Variants in PPIP5K2 observed in about 807,000 individuals in gnomAD.
PPIP5K2 encodes diphosphoinositol pentakisphosphate kinase 2, also known as inositol hexakisphosphate and diphosphoinositol-pentakisphosphate kinase 2.
PPIP5K2 carries 105 observed loss-of-function variants against 154.6 expected under a neutral mutation model. The observed-to-expected ratio is 0.68, with a 90% CI of 0.58 to 0.80. The LOEUF is 0.80. Among genes scored for constraint, PPIP5K2 ranks in the 30% least tolerant of loss-of-function variants. The pLI is 0.00. For missense variants in PPIP5K2, 992 were observed against 1,504.6 expected, an observed-to-expected ratio of 0.66 and a Z score of 5.64; for synonymous variants, 480 against 490.3, an observed-to-expected ratio of 0.98 and a Z score of 0.28.
chr5:103,129,726 G>C, intron 2 of PPIP5K2, 23 bp downstream of exon 2: 1 of 1,583,458 alleles, frequency 6.3e-7, no homozygotes, highest in Non-Finnish European at 8.6e-7. Context: ...TTTTTCCTTT[G>C]GCGAGAGAAG....
rs1554232019 is a variant in PPIP5K2, at chr5:103,205,278, A to T, written c.*3644A>T. 6.6e-6 allele frequency: 1 copy of T among 152,112 alleles called. No homozygotes were observed. Among genetic ancestry groups the T allele is most frequent in the Admixed American group, 6.5e-5 (1 of 15,274 alleles). 9.4% of individuals were successfully genotyped at this position (152,112 alleles called of 1,614,324 possible). On this transcript the variant is annotated 3_prime_UTR_variant, in exon 31 of 31. Transcript: ENST00000358359. The stretch of plus-strand genomic sequence containing the variant: ...TCTGGGTTGGTCCCAAGTCTTTGCT[A>T]TTGTGAATAGTGCCACAATAAACAT...
At chr5:103,147,622 C>T (rs1167740002) in intron 6 of PPIP5K2, among the ~76,000 whole-genome samples, 1 of 151,820 alleles carries the variant, frequency 6.6e-6, no homozygotes, top group African/African-American at 2.4e-5. Context: ...TGTATTTACA[C>T]AATGGAAAAT....
intron 10 of PPIP5K2, 140 bp from the exon 11 acceptor site, chr5:103,153,708 T>C (rs1794981268): frequency 1.9e-6 from 1 of 514,748 alleles, no homozygotes; most frequent in East Asian, 3.8e-5. Flanking sequence ...TAGATTGTTA[T>C]AAGTATTATT....
At position 103,152,887 on chromosome 5, in the gene PPIP5K2, G is replaced by A. The variant is rs553745382; in HGVS notation, c.1130+138G>A. 6.6e-4 allele frequency: 369 copies of A among 562,910 alleles called. 5 individuals are homozygous for A. In the South Asian group the frequency reaches 9.0e-3, roughly 14 times the overall value. 34.9% of individuals were successfully genotyped at this position (562,910 alleles called of 1,614,324 possible). The stretch of plus-strand genomic sequence containing the variant: ...TATGATTCAGCTTGAAGATAGAGGA[G>A]TAGATTATACGTATTTATAAGGGTC... On this transcript the variant is annotated intron_variant, in intron 10 of 30. Transcript: ENST00000358359.
intron 5 of PPIP5K2, among the ~76,000 whole-genome samples, chr5:103,139,368 T>C (rs1554205596): frequency 6.6e-6 from 1 of 152,154 alleles, no homozygotes; most frequent in Non-Finnish European, 1.5e-5. Flanking sequence ...AAACTAGCCA[T>C]GCAAGAATGC....
At chr5:103,156,154 A>G (rs1554213308) in intron 14 of PPIP5K2, among the ~76,000 whole-genome samples, 160 bp downstream of exon 14, 1 of 152,206 alleles carries the variant, frequency 6.6e-6, no homozygotes, top group Non-Finnish European at 1.5e-5. Flanking sequence ...TTCTTTAAAT[A>G]AAGGATACAA....
intron 21 of PPIP5K2, chr5:103,176,834 A>G (rs1004942171): frequency 2.4e-6 from 3 of 1,266,572 alleles, no homozygotes; most frequent in African/African-American, 1.5e-5. Context: ...GATCCTTTTC[A>G]GTTCTGATGC....
intron 26 of PPIP5K2, among the ~76,000 whole-genome samples, chr5:103,185,930 GT>G (rs557317432): frequency 0.022 from 3,143 of 140,680 alleles, 87 homozygotes; most frequent in African/African-American, 0.071. Flanking sequence ...TAGAAGGAGT[GT>G]TTTTTTTTTT....
intron 21 of PPIP5K2, chr5:103,176,999 A>G (rs1225799916): frequency 2.4e-5 from 22 of 922,342 alleles, no homozygotes; most frequent in Non-Finnish European, 3.5e-5. Flanking sequence ...ATAGGCCTAT[A>G]TTGCATACAT....
intron 27 of PPIP5K2, 39 bp from the exon 28 acceptor site, chr5:103,187,275 C>T: frequency 6.8e-7 from 1 of 1,461,896 alleles, no homozygotes; most frequent in Non-Finnish European, 9.2e-7. Flanking sequence ...CTTTTTGTAG[C>T]TGTTACGAAT....
chr5:103,146,780 C>A, intron 6 of PPIP5K2, 99 bp downstream of exon 6: 1 of 1,011,726 alleles, frequency 9.9e-7, no homozygotes. Context: ...ATATTGAACT[C>A]TTGAAAATGT....
chr5:103,132,159 T>C (rs1434472565), intron 2 of PPIP5K2, among the ~76,000 whole-genome samples: 1 of 152,196 alleles, frequency 6.6e-6, no homozygotes, highest in Non-Finnish European at 1.5e-5. Flanking sequence ...ATAATCTATT[T>C]GATTTACCAA....
chr5:103,138,953 A>T (rs569730284), intron 5 of PPIP5K2, among the ~76,000 whole-genome samples: 1 of 152,382 alleles, frequency 6.6e-6, no homozygotes, highest in Admixed American at 6.5e-5. Context: ...TGGGTCCCAC[A>T]TATACTGATA....
intron 30 of PPIP5K2, among the ~76,000 whole-genome samples, chr5:103,198,364 A>C (rs1338149399): frequency 6.6e-6 from 1 of 151,980 alleles, no homozygotes; most frequent in African/African-American, 2.4e-5. Flanking sequence ...CATTGATCCT[A>C]ATGGACACTA....
chr5:103,191,151 A>T, intron 29 of PPIP5K2, 169 bp downstream of exon 29: 1 of 491,712 alleles, frequency 2.0e-6, no homozygotes, highest in South Asian at 7.2e-5. Flanking sequence ...TGTGAACTGT[A>T]CCTCTTTTTT....
In PPIP5K2 at chr5:103,196,984, A is replaced by G. The variant is rs1222556504; in HGVS notation, c.3619+1959A>G. Among the ~76,000 whole-genome samples, 5 of 152,280 alleles carry G rather than the reference A, an allele frequency of 3.3e-5. No individual in the cohort carries two copies. The South Asian group carries it at 8.3e-4, about 25-fold the overall frequency. ...ATGATAGAGTAATATCTTGGAAGTC[A>G]GGGTAAGAGAGCATTTCAGGAAGGA... On this transcript the variant is annotated intron_variant, in intron 30 of 30. Coordinates refer to ENST00000358359, the MANE Select transcript of PPIP5K2 (RefSeq NM_001276277.3).
chr5:103,148,187 CA>C, intron 7 of PPIP5K2, 155 bp downstream of exon 7: 2 of 693,222 alleles, frequency 2.9e-6, no homozygotes, highest in Non-Finnish European at 5.3e-6. Context: ...ACATCTTTAG[CA>C]GTCTGAAGCC....
chr5:103,125,733 A>G (rs1554200521), intron 1 of PPIP5K2, among the ~76,000 whole-genome samples: 1 of 152,118 alleles, frequency 6.6e-6, no homozygotes, highest in African/African-American at 2.4e-5. Context: ...TCCAGGGTTC[A>G]AGTGATTCTC....
At chr5:103,186,234 G>A in intron 26 of PPIP5K2, 86 bp from the exon 27 acceptor site, 1 of 1,559,472 alleles carries the variant, frequency 6.4e-7, no homozygotes, top group Non-Finnish European at 8.8e-7. Flanking sequence ...TATGTGGTAA[G>A]AGCCATGTTA....
Sources: gnomAD v4.1 joint callset for allele counts (sites outside exome capture counted in the v4.1 genomes callset) on GRCh38, gnomAD v4.1.1 for gene constraint, MANE v1.5 for transcripts, NCBI Gene and HGNC (gene_info 2026-07-23, HGNC 2026-07-21) for gene names.